The following THOP1 variants were observed in gnomAD, a reference collection of about 807,000 sequenced individuals.
THOP1 encodes thimet oligopeptidase 1.
In THOP1, 49 loss-of-function variants were observed where a neutral mutation model predicts 71.8. The ratio of observed to expected loss-of-function variants is 0.68; its 90% CI spans 0.54 to 0.87. THOP1 has a LOEUF of 0.87. Ranked by LOEUF, THOP1 falls within the 40% of genes least tolerant of loss-of-function variation. The pLI is 0.00. For missense variants in THOP1, 843 were observed against 975.6 expected (o/e 0.86, Z 1.81); for synonymous variants, 426 against 421.5 (o/e 1.01, Z -0.13).
Position 2,785,650 on chromosome 19 carries a change from A to G in THOP1, c.-13A>G. 6.7e-7 allele frequency: 1 copy of G among 1,489,342 alleles called. No individual in the cohort carries two copies. Among genetic ancestry groups the G allele is most frequent in the Non-Finnish European group, 8.9e-7 (1 of 1,118,060 alleles). 92.3% of individuals were successfully genotyped at this position (1,489,342 alleles called of 1,614,324 possible). A position where few individuals can be genotyped will look rare whatever the true frequency, so the allele number is the denominator to read the frequency against. On this transcript the variant is annotated 5_prime_UTR_variant, in exon 1 of 13. Coordinates refer to ENST00000307741, the MANE Select transcript of THOP1 (RefSeq NM_003249.5). Reference sequence around the variant, plus strand: ...GAAGGAGGGAGGGAGCCGCAGGCGCAGACCCACCCGCCATGAAGCCCCCCG... The same window carrying G: ...GAAGGAGGGAGGGAGCCGCAGGCGCGGACCCACCCGCCATGAAGCCCCCCG...
At chr19:2,788,195 A>G (rs766247289) in intron 1 of THOP1, among the ~76,000 whole-genome samples, 1 of 152,174 alleles carries the variant, frequency 6.6e-6, no homozygotes, top group Non-Finnish European at 1.5e-5. Flanking sequence ...TGCACCCTGA[A>G]TTGTTCCCGT....
chr19:2,785,910 G>A (rs1283494753), intron 1 of THOP1, among the ~76,000 whole-genome samples: 1 of 152,168 alleles, frequency 6.6e-6, no homozygotes, highest in Non-Finnish European at 1.5e-5. Context: ...CTTCCGGATG[G>A]GTCGGGCCCC....
chr19:2,809,475 G>C (rs914980009), intron 9 of THOP1: 1 of 152,224 alleles, frequency 6.6e-6, no homozygotes, highest in Non-Finnish European at 1.5e-5. Flanking sequence ...GACAGAGTGC[G>C]GCCCTTCTGA....
Position 2,804,870 on chromosome 19 carries a change from C to T in THOP1, c.590-146C>T, listed in dbSNP as rs963425826. The T allele has an allele frequency of 1.9e-5, 14 of 736,162 alleles. No individual in the cohort carries two copies. The highest frequency in any genetic ancestry group is 3.7e-4 in the Middle Eastern group (1 of 2,712). The allele number at this position is 736,162 out of a possible 1,614,324, so 45.6% of individuals were successfully genotyped here. A position where few individuals can be genotyped will look rare whatever the true frequency, so the allele number is the denominator to read the frequency against. ...TAGATGGGGGATGTAAGAATTGCAG[C>T]GGGTGGTGGCCAGGCTGCAGCTGCT... is the stretch of plus-strand genomic sequence containing the variant. On this transcript the variant is annotated intron_variant, in intron 5 of 12. Transcript: ENST00000307741. The surrounding 1 kb of genome is among the most constrained non-coding windows in gnomAD (Gnocchi z 4.7).
intron 10 of THOP1, 50 bp from the exon 11 acceptor site, chr19:2,810,590 G>C: frequency 2.0e-6 from 3 of 1,534,388 alleles, no homozygotes; most frequent in Non-Finnish European, 1.8e-6. Context: ...TCTGGGCAGA[G>C]TGGGCCGGGG....
Position 2,785,693 on chromosome 19 carries a change from G to A in THOP1, c.16+15G>A. 7 of 1,449,878 alleles carry A rather than the reference G, an allele frequency of 4.8e-6. No homozygotes were observed. Among genetic ancestry groups the A allele is most frequent in the South Asian group, 1.5e-5 (1 of 67,900 alleles). The allele number at this position is 1,449,878 out of a possible 1,614,324, so 89.8% of individuals were successfully genotyped here. On this transcript the variant is annotated intron_variant, in intron 1 of 12. Coordinates refer to ENST00000307741, the MANE Select transcript of THOP1 (RefSeq NM_003249.5). ...GCCCCCCGCAGGTACCGACTACCCC[G>A]CTCGCCGGACCCGGGCGTCCCCTGC...
At position 2,807,642 on chromosome 19, in the gene THOP1, C is replaced by T; in HGVS notation, c.1087C>T (p.Gln363Ter). 6.2e-7 allele frequency: 1 copy of T among 1,610,914 alleles called. No individual in the cohort carries two copies. The highest frequency in any genetic ancestry group is 8.5e-7 in the Non-Finnish European group (1 of 1,178,512). ...CCTGCTCAAGGAGTACTTCCCCGTG[C>T]AGGTGGTCACGCACGGGCTGCTGGG... Reference protein sequence around the residue: ...QNLLKEYFPVQVVTHGLLGIY... With the variant: ...QNLLKEYFPV Residue 363 changes from glutamine (Q) to a stop codon, truncating the protein, a stop_gained, in exon 8 of 13, where the codon CAG becomes TAG. Coordinates refer to ENST00000307741, the MANE Select transcript of THOP1 (RefSeq NM_003249.5). LOFTEE classifies it high-confidence loss of function.
In THOP1 at chr19:2,785,608, T is replaced by A; in HGVS notation, c.-55T>A. ...AGGCGGCCTCAGTGGCCGAGGTGGCTGGACGCGTAGCAGGTGGAAGGAGGG... is the reference window on the plus strand; with the variant it reads ...AGGCGGCCTCAGTGGCCGAGGTGGCAGGACGCGTAGCAGGTGGAAGGAGGG... On this transcript the variant is annotated 5_prime_UTR_variant, in exon 1 of 13. Coordinates refer to ENST00000307741, the MANE Select transcript of THOP1 (RefSeq NM_003249.5). The A allele has an allele frequency of 6.7e-7, 1 of 1,496,444 alleles. No individual in the cohort carries two copies. The highest frequency in any genetic ancestry group is 8.9e-7 in the Non-Finnish European group (1 of 1,124,682). 92.7% of individuals were successfully genotyped at this position (1,496,444 alleles called of 1,614,324 possible). A position where few individuals can be genotyped will look rare whatever the true frequency, so the allele number is the denominator to read the frequency against.
chr19:2,799,905 C>T (rs1916106509), intron 5 of THOP1, 114 bp downstream of exon 5: 9 of 973,196 alleles, frequency 9.2e-6, no homozygotes, highest in South Asian at 3.0e-5. Flanking sequence ...TGAAGGGCGG[C>T]GGGAGGCCGA....
intron 1 of THOP1, chr19:2,787,080 G>A (rs1488029881): frequency 6.6e-6 from 1 of 152,130 alleles, no homozygotes; most frequent in African/African-American, 2.4e-5. Context: ...TGTATTATTA[G>A]TAGAGATGGG....
chr19:2,790,919 T>C (rs1915862246), intron 2 of THOP1, among the ~76,000 whole-genome samples: 1 of 152,234 alleles, frequency 6.6e-6, no homozygotes, highest in Admixed American at 6.5e-5. Context: ...TTCAAAGGAC[T>C]CCCTGGTTGT....
Position 2,805,063 on chromosome 19 carries a change from G to C in THOP1, c.637G>C (p.Gly213Arg). The C allele has an allele frequency of 6.2e-7, 1 of 1,612,810 alleles. No homozygotes were observed. Among genetic ancestry groups the C allele is most frequent in the Non-Finnish European group, 8.5e-7 (1 of 1,179,758 alleles). ...GAACTCCCTGGAGAAGATGGAGGAC[G>C]GCAAGTTGAAGGTCACCCTCAAGTA... ...FLNSLEKMED[G>R]KLKVTLKYPH... The change falls in exon 6 of 13, where the codon GGC (glycine) becomes CGC (arginine). Residue 213 changes from glycine (G) to arginine (R), a missense_variant. By Grantham distance (125) the Gly-to-Arg change is moderately radical (BLOSUM62 -2). Coordinates refer to ENST00000307741, the MANE Select transcript of THOP1 (RefSeq NM_003249.5). This position sits in a 1 kb window ranked among gnomAD's most constrained non-coding sequence, Gnocchi z 6.6.
chr19:2,794,608 G>C (rs1303359561), intron 2 of THOP1, among the ~76,000 whole-genome samples, 156 bp from the exon 3 acceptor site: 1 of 152,188 alleles, frequency 6.6e-6, no homozygotes, highest in Non-Finnish European at 1.5e-5. Context: ...GGGGACGGTG[G>C]CGTGTGCCTC....
At chr19:2,787,215 A>C (rs1042350990) in intron 1 of THOP1, among the ~76,000 whole-genome samples, 2 of 152,132 alleles carry the variant, frequency 1.3e-5, no homozygotes, top group South Asian at 4.1e-4. Flanking sequence ...TTAGAAGGTC[A>C]CTCAGGTTGT....
At chr19:2,786,481 ACC>A (rs1915745518) in intron 1 of THOP1, among the ~76,000 whole-genome samples, 1 of 151,890 alleles carries the variant, frequency 6.6e-6, no homozygotes, top group South Asian at 2.1e-4. Context: ...CAAGCAATCC[ACC>A]TGCCTCGGCC....
In THOP1 at chr19:2,806,945, T is replaced by C; in HGVS notation, c.779T>C (p.Val260Ala). The C allele has an allele frequency of 6.2e-7, 1 of 1,613,034 alleles. No homozygotes were observed. The highest frequency in any genetic ancestry group is 2.2e-5 in the East Asian group (1 of 44,846). ...AACTGCGCTATCCTCAAGGAGCTGG[T>C]GACGCTGCGGGCCCAGAAGTCCCGC... ...EENCAILKEL[V>A]TLRAQKSRLL... is the part of the protein sequence containing the mutation. Residue 260 changes from valine (V) to alanine (A), a missense_variant, in exon 7 of 13, where the codon GTG becomes GCG. Val to Ala is a moderately conservative substitution (Grantham distance 64). Coordinates refer to ENST00000307741, the MANE Select transcript of THOP1 (RefSeq NM_003249.5).
rs1040832075 is a variant in THOP1 at position 2,805,862 on chromosome 19, T to G, written c.750+686T>G. 8.2e-6 allele frequency among the ~76,000 whole-genome samples: 1 copy of G among 121,586 alleles called. No homozygotes were observed. The highest frequency in any genetic ancestry group is 1.7e-5 in the Non-Finnish European group (1 of 57,198). The allele number at this position is 121,586 out of a possible 152,430, so 79.8% of individuals were successfully genotyped here. ...CCATCACTGCGGGGGGACGGGCGGGTGCCCATCACTGCGGGGGGACGGGCG... is the reference window on the plus strand; with the variant it reads ...CCATCACTGCGGGGGGACGGGCGGGGGCCCATCACTGCGGGGGGACGGGCG... On this transcript the variant is annotated intron_variant, in intron 6 of 12. Coordinates refer to ENST00000307741, the MANE Select transcript of THOP1 (RefSeq NM_003249.5). The surrounding 1 kb of genome is among the most constrained non-coding windows in gnomAD (Gnocchi z 6.6).
At chr19:2,786,578 G>C (rs932132413) in intron 1 of THOP1, among the ~76,000 whole-genome samples, 2 of 151,904 alleles carry the variant, frequency 1.3e-5, no homozygotes, top group African/African-American at 4.8e-5. Flanking sequence ...GATGTGACCT[G>C]TGTACTGTTT....
In THOP1 at chr19:2,807,671, C is replaced by A; in HGVS notation, c.1116C>A (p.Ile372=). The A allele has an allele frequency of 6.2e-7, 1 of 1,606,322 alleles. No individual in the cohort carries two copies. Among genetic ancestry groups the A allele is most frequent in the Non-Finnish European group, 8.5e-7 (1 of 1,174,888 alleles). ...TGGTCACGCACGGGCTGCTGGGCAT[C>A]TACCAGGAGCTCCTGGGGCTGGCCT... ...VQVVTHGLLG[I]YQELLGLAFH... Residue 372 remains isoleucine, a synonymous_variant, in exon 8 of 13, where the codon ATC becomes ATA. Coordinates refer to ENST00000307741, the MANE Select transcript of THOP1 (RefSeq NM_003249.5).
Sources: gnomAD v4.1 joint callset for allele counts (sites outside exome capture counted in the v4.1 genomes callset) on GRCh38, gnomAD v4.1.1 for gene constraint, Gnocchi (gnomAD v3.1) non-coding constraint, MANE v1.5 for transcripts, NCBI Gene and HGNC (gene_info 2026-07-23, HGNC 2026-07-21) for gene names.